Variants in REPS1 observed in about 807,000 individuals in gnomAD.
The protein encoded by REPS1 is RALBP1 associated Eps domain containing 1, also known as ralBP1-associated Eps domain-containing protein 1.
A neutral mutation model predicts 100.9 loss-of-function variants in REPS1; 39 were observed. The ratio of observed to expected loss-of-function variants is 0.39; its 90% CI spans 0.30 to 0.50. The LOEUF (loss-of-function observed/expected upper bound fraction) is 0.50. REPS1 is among the 20% of genes least tolerant of loss of function. The probability of loss-of-function intolerance (pLI) is 0.86; values close to 1 mark genes in which losing one functional copy is unlikely to be tolerated. For missense variants in REPS1, 821 were observed against 968.5 expected (o/e 0.85, Z 2.02); for synonymous variants, 324 against 340.3 (o/e 0.95, Z 0.53).
intron 10 of REPS1, among the ~76,000 whole-genome samples, chr6:138,924,229 C>T (rs1780958812): frequency 1.3e-5 from 2 of 152,236 alleles, no homozygotes; most frequent in South Asian, 2.1e-4. Context: ...AGATTATAAA[C>T]ATAAATATTT....
intron 2 of REPS1, among the ~76,000 whole-genome samples, chr6:138,946,196 A>G (rs1271201264): frequency 6.6e-6 from 1 of 152,202 alleles, no homozygotes. Flanking sequence ...ATATGTCACT[A>G]AGTCTGAGAC....
chr6:138,929,566 C>T (rs573965906), intron 9 of REPS1: 1 of 153,164 alleles, frequency 6.5e-6, no homozygotes, highest in Admixed American at 6.5e-5. Flanking sequence ...TGCTAAGATC[C>T]CAAATGTACT....
rs1401482084 is a variant in REPS1 at position 138,943,597 on chromosome 6, T to C, written c.917-21A>G. 10 of 1,515,920 alleles carry C rather than the reference T, an allele frequency of 6.6e-6. No individual in the cohort carries two copies. The East Asian group carries it at 1.8e-4, about 27-fold the overall frequency. The allele number at this position is 1,515,920 out of a possible 1,614,324, so 93.9% of individuals were successfully genotyped here. On this transcript the variant is annotated intron_variant, in intron 6 of 19. Coordinates refer to ENST00000450536, the MANE Select transcript of REPS1 (RefSeq NM_001286611.2). ...AGATCCTGAAATATTAAAACAGTGT[T>C]GTTTAATGTTATTCTGAACTTACGG... is the stretch of plus-strand genomic sequence containing the variant.
chr6:138,984,689 C>G (rs1425697486), intron 1 of REPS1, among the ~76,000 whole-genome samples: 1 of 152,168 alleles, frequency 6.6e-6, no homozygotes, highest in Non-Finnish European at 1.5e-5. Flanking sequence ...AATCAGCCCC[C>G]AAGTTAAGTC....
At chr6:138,929,925 C>G in intron 9 of REPS1, 52 bp downstream of exon 9, 2 of 1,594,698 alleles carry the variant, frequency 1.3e-6, no homozygotes, top group Non-Finnish European at 1.7e-6. Flanking sequence ...TTTGGAACAT[C>G]TTACCTTAAA....
rs1378736178 is a variant in REPS1 at position 138,921,130 on chromosome 6, G to A, written c.1339-6C>T. On this transcript the variant is annotated splice_polypyrimidine_tract_variant and splice_region_variant and intron_variant, in intron 10 of 19. Transcript: ENST00000450536. ...GGATGAACAATAGCAGTATCCTAGA[G>A]ACAAATGGGAGGAAATAAAGAATTT... 21 of 1,553,044 alleles carry A rather than the reference G, an allele frequency of 1.4e-5. No individual in the cohort carries two copies. In the Admixed American group the frequency reaches 3.7e-4, roughly 28 times the overall value.
intron 10 of REPS1, among the ~76,000 whole-genome samples, chr6:138,925,861 CAAG>C (rs1781083893): frequency 6.6e-6 from 1 of 152,136 alleles, no homozygotes; most frequent in Non-Finnish European, 1.5e-5. Flanking sequence ...CAGTAAGCCA[CAAG>C]AAGACAAGAC....
intron 1 of REPS1, among the ~76,000 whole-genome samples, chr6:138,956,111 G>A (rs749958294): frequency 6.6e-6 from 1 of 152,020 alleles, no homozygotes; most frequent in Non-Finnish European, 1.5e-5. Context: ...AATATAGGAC[G>A]CTCTCATGTC....
intron 1 of REPS1, among the ~76,000 whole-genome samples, chr6:138,971,271 TC>T (rs1274000636): frequency 2.6e-5 from 4 of 152,300 alleles, no homozygotes; most frequent in African/African-American, 9.6e-5. Flanking sequence ...TTTCTACTAT[TC>T]CTATGAGATA....
Position 138,917,536 on chromosome 6 carries a change from C to T in REPS1, c.1601+19G>A. ...CAGCAAGATAGTTTAACATGCTTTT[C>T]ATTGACAGAAATACTGACCTTTGAC... On this transcript the variant is annotated intron_variant, in intron 13 of 19. Transcript: ENST00000450536. 6.3e-7 allele frequency: 1 copy of T among 1,586,664 alleles called. No homozygotes were observed. Among genetic ancestry groups the T allele is most frequent in the Non-Finnish European group, 8.7e-7 (1 of 1,155,376 alleles).
intron 19 of REPS1, among the ~76,000 whole-genome samples, chr6:138,905,730 A>T (rs936725629): frequency 1.3e-5 from 2 of 152,228 alleles, no homozygotes; most frequent in Non-Finnish European, 1.5e-5. Context: ...TTAACACCTG[A>T]ATTTTGCAAT....
At chr6:138,908,564 G>C in intron 18 of REPS1, 104 bp downstream of exon 18, 1 of 1,240,600 alleles carries the variant, frequency 8.1e-7, no homozygotes, top group East Asian at 2.4e-5. Flanking sequence ...CAAAATGCTG[G>C]GATTACAGGT....
intron 8 of REPS1, among the ~76,000 whole-genome samples, chr6:138,932,389 T>C (rs1388708382): frequency 6.6e-6 from 1 of 152,222 alleles, no homozygotes. Flanking sequence ...TGTTGACATT[T>C]GCACTGAATC....
intron 1 of REPS1, among the ~76,000 whole-genome samples, chr6:138,959,320 T>C (rs1250286930): frequency 6.6e-6 from 1 of 152,106 alleles, no homozygotes; most frequent in Non-Finnish European, 1.5e-5. Flanking sequence ...CGAAGTCAAG[T>C]AGATGCTCAA....
intron 1 of REPS1, among the ~76,000 whole-genome samples, chr6:138,962,148 A>G (rs1297589539): frequency 6.6e-6 from 1 of 152,208 alleles, no homozygotes; most frequent in Non-Finnish European, 1.5e-5. Flanking sequence ...AGGTATTCAC[A>G]ATACTGGAAA....
chr6:138,907,132 C>T (rs918257381), intron 19 of REPS1, among the ~76,000 whole-genome samples: 4 of 152,060 alleles, frequency 2.6e-5, no homozygotes, highest in Non-Finnish European at 5.9e-5. Flanking sequence ...CTTCTTTAGA[C>T]CTGTTTAAGT....
At chr6:138,981,422 A>T (rs1000903014) in intron 1 of REPS1, among the ~76,000 whole-genome samples, 1 of 152,232 alleles carries the variant, frequency 6.6e-6, no homozygotes, top group Non-Finnish European at 1.5e-5. Context: ...AGGCTACAGA[A>T]AATAAAACCT....
At chr6:138,908,219 ATACC>A (rs1200438269) in intron 18 of REPS1, among the ~76,000 whole-genome samples, 1 of 147,792 alleles carries the variant, frequency 6.8e-6, no homozygotes, top group Non-Finnish European at 1.5e-5. Context: ...CATGGGAAGA[ATACC>A]TACCCGTACA....
chr6:138,912,660 G>A lies in REPS1; in HGVS notation c.1971+105C>T, dbSNP rs536002803. On this transcript the variant is annotated intron_variant, in intron 16 of 19. Transcript: ENST00000450536. ...AAAAGATGAGAAGCACTGACCCAGG[G>A]AATATTTTACTCACTGATGTCCCCT... 168 of 1,057,996 alleles carry A rather than the reference G, an allele frequency of 1.6e-4. 1 individual carries two copies. In the African/African-American group the frequency reaches 2.4e-3, roughly 15 times the overall value. 65.5% of individuals were successfully genotyped at this position (1,057,996 alleles called of 1,614,324 possible). A position where few individuals can be genotyped will look rare whatever the true frequency, so the allele number is the denominator to read the frequency against.
Sources: allele counts gnomAD v4.1 joint callset (sites outside exome capture counted in the v4.1 genomes callset), GRCh38; gene constraint gnomAD v4.1.1; transcripts MANE v1.5; gene names NCBI Gene and HGNC (gene_info 2026-07-23, HGNC 2026-07-21).